Variants in SDK1 observed in about 807,000 individuals in gnomAD.
SDK1 encodes sidekick cell adhesion molecule 1, also known as protein sidekick-1.
Under a neutral mutation model 245.5 loss-of-function variants are expected in SDK1, and 157 were observed. The ratio of observed to expected loss-of-function variants is 0.64; its 90% CI spans 0.56 to 0.73. SDK1 has a LOEUF of 0.73. Ranked by LOEUF, SDK1 falls within the 30% of genes least tolerant of loss-of-function variation. The pLI, the probability that SDK1 is intolerant of heterozygous loss-of-function variation, is 0.00. For synonymous variants in SDK1, 1,647 were observed against 1,278.5 expected (o/e 1.29, Z -6.15); for missense variants, 3,583 against 3,002.3 (o/e 1.19, Z -4.52).
intron 4 of SDK1, among the ~76,000 whole-genome samples, chr7:3,769,089 T>C (rs1780334819): frequency 6.6e-6 from 1 of 152,198 alleles, no homozygotes; most frequent in East Asian, 1.9e-4. Flanking sequence ...GACTTTTTAT[T>C]TGGAAACAAT....
intron 5 of SDK1, among the ~76,000 whole-genome samples, chr7:3,917,660 C>A (rs1779431903): frequency 6.6e-6 from 1 of 152,160 alleles, no homozygotes; most frequent in South Asian, 2.1e-4. Context: ...AGAGGAACGT[C>A]TATGGGACCA....
At chr7:3,611,392 C>G (rs989936742) in intron 1 of SDK1, among the ~76,000 whole-genome samples, 8 of 152,154 alleles carry the variant, frequency 5.3e-5, no homozygotes, top group Admixed American at 5.2e-4. Flanking sequence ...ACCGCCGCCT[C>G]TAGTTCACAT....
In SDK1 at chr7:4,129,898, G is replaced by A. The variant is rs778441160; in HGVS notation, c.3940-10G>A. Reference sequence around the variant, plus strand: ...CTCCTGATAACCCTCGTGCTGTGTCGATACCACAGATCCTGTTCCGGGCCA... The same window carrying A: ...CTCCTGATAACCCTCGTGCTGTGTCAATACCACAGATCCTGTTCCGGGCCA... On this transcript the variant is annotated splice_polypyrimidine_tract_variant and intron_variant, in intron 26 of 44. Transcript: ENST00000404826. 5.2e-5 allele frequency: 84 copies of A among 1,613,256 alleles called. No homozygotes were observed. The highest frequency in any genetic ancestry group is 1.7e-4 in the Middle Eastern group (1 of 6,052).
At chr7:3,328,360 T>C (rs1272507438) in intron 1 of SDK1, among the ~76,000 whole-genome samples, 1 of 152,118 alleles carries the variant, frequency 6.6e-6, no homozygotes, top group Non-Finnish European at 1.5e-5. Flanking sequence ...TGCTTTTAGA[T>C]ATATATATTG....
chr7:3,667,893 A>G (rs1190414220), intron 4 of SDK1, among the ~76,000 whole-genome samples: 1 of 152,224 alleles, frequency 6.6e-6, no homozygotes, highest in East Asian at 1.9e-4. Context: ...TTTGCAAATA[A>G]AGATGCTAGA....
At chr7:4,039,916 A>T (rs188573752) in intron 17 of SDK1, among the ~76,000 whole-genome samples, 1 of 152,226 alleles carries the variant, frequency 6.6e-6, no homozygotes, top group African/African-American at 2.4e-5. Context: ...AAACATAATC[A>T]TACGTTTTAC....
intron 1 of SDK1, among the ~76,000 whole-genome samples, chr7:3,304,641 G>T (rs532454742): frequency 2.0e-3 from 308 of 152,300 alleles, no homozygotes; most frequent in African/African-American, 6.8e-3. Flanking sequence ...TGGGGAATTT[G>T]ATGAAGCTGT....
chr7:4,056,742 G>A (rs920813341), intron 19 of SDK1, among the ~76,000 whole-genome samples: 2 of 152,202 alleles, frequency 1.3e-5, no homozygotes, highest in East Asian at 1.9e-4. Flanking sequence ...CCACACGCCC[G>A]AGCCCAGAGC....
rs559113907 is a variant in SDK1 at position 3,798,697 on chromosome 7, G to A, written c.714-22753G>A. On this transcript the variant is annotated intron_variant, in intron 4 of 44. Transcript: ENST00000404826. ...GGCTAAGGCGGTGTCAGCCAGTATT[G>A]TTCCCTTTCCACATTCTGTTCTTAG... Among the ~76,000 whole-genome samples, 11 of 152,262 alleles carry A rather than the reference G, an allele frequency of 7.2e-5. No homozygotes were observed. In the South Asian group the frequency reaches 2.3e-3, roughly 32 times the overall value.
At chr7:3,547,831 A>G (rs915926287) in intron 1 of SDK1, among the ~76,000 whole-genome samples, 8 of 152,220 alleles carry the variant, frequency 5.3e-5, no homozygotes, top group African/African-American at 1.9e-4. Context: ...TCAGCCTTAA[A>G]GGATGACTTT....
At chr7:3,850,937 A>C (rs554010144) in intron 5 of SDK1, among the ~76,000 whole-genome samples, 17 of 152,340 alleles carry the variant, frequency 1.1e-4, no homozygotes, top group African/African-American at 3.4e-4. Context: ...CAGAACACCA[A>C]CATGGCACAT....
At chr7:3,776,467 C>A (rs1026245589) in intron 4 of SDK1, among the ~76,000 whole-genome samples, 1 of 152,138 alleles carries the variant, frequency 6.6e-6, no homozygotes, top group African/African-American at 2.4e-5. Flanking sequence ...ATTTCTGGTT[C>A]AATATTATGA....
intron 4 of SDK1, among the ~76,000 whole-genome samples, chr7:3,794,402 G>C (rs554417060): frequency 6.6e-6 from 1 of 152,136 alleles, no homozygotes; most frequent in Non-Finnish European, 1.5e-5. Context: ...GACATGCTGT[G>C]GTTTGAATGT....
rs145271285 is a variant in SDK1, at chr7:4,003,849, C to T, written c.2132-7117C>T. 1.1e-3 allele frequency among the ~76,000 whole-genome samples: 172 copies of T among 152,366 alleles called. 1 individual carries two copies. Among genetic ancestry groups the T allele is most frequent in the African/African-American group, 3.9e-3 (162 of 41,586 alleles). Reference sequence around the variant, plus strand: ...GTGGTGGAGGGGAGCCTCTGATTAGCGTGAAGCCTCCCCACTTAGCTCCAT... The same window carrying T: ...GTGGTGGAGGGGAGCCTCTGATTAGTGTGAAGCCTCCCCACTTAGCTCCAT... On this transcript the variant is annotated intron_variant, in intron 14 of 44. Transcript: ENST00000404826.
chr7:3,432,997 G>A (rs17133346), intron 1 of SDK1, among the ~76,000 whole-genome samples: 26,403 of 152,096 alleles, frequency 0.17, 2,284 homozygotes, highest in South Asian at 0.22. Context: ...TTTTATATTG[G>A]TGTTGAGGTT....
chr7:4,159,990 A>G (rs766550360), intron 31 of SDK1, among the ~76,000 whole-genome samples: 6 of 152,150 alleles, frequency 3.9e-5, no homozygotes, highest in Non-Finnish European at 8.8e-5. Context: ...GAAATGATTT[A>G]AAGTATTCAG....
Position 4,266,108 on chromosome 7 carries a change from A to G in SDK1, c.*724A>G. Reference sequence around the variant, plus strand: ...TCTCACCTGACAGCGAGGGAGAGGGAAGCCTCTTAGGGCTGGAAGCCACCA... The same window carrying G: ...TCTCACCTGACAGCGAGGGAGAGGGGAGCCTCTTAGGGCTGGAAGCCACCA... On this transcript the variant is annotated 3_prime_UTR_variant, in exon 45 of 45. Coordinates refer to ENST00000404826, the MANE Select transcript of SDK1 (RefSeq NM_152744.4). 2 of 985,400 alleles carry G rather than the reference A, an allele frequency of 2.0e-6. No individual in the cohort carries two copies. The highest frequency in any genetic ancestry group is 2.4e-6 in the Non-Finnish European group (2 of 829,954). 61.0% of individuals were successfully genotyped at this position (985,400 alleles called of 1,614,324 possible).
At chr7:4,173,395 C>T (rs1203115864) in intron 32 of SDK1, among the ~76,000 whole-genome samples, 1 of 152,192 alleles carries the variant, frequency 6.6e-6, no homozygotes, top group African/African-American at 2.4e-5. Context: ...CAGAAACCGA[C>T]TGAAGGAAAA....
intron 1 of SDK1, among the ~76,000 whole-genome samples, chr7:3,569,005 T>C (rs1260970119): frequency 3.4e-5 from 3 of 88,330 alleles, no homozygotes; most frequent in Non-Finnish European, 6.6e-5. Flanking sequence ...GTGTGGCATA[T>C]GTTTTTTTTT....
Sources: gnomAD v4.1 joint callset for allele counts (sites outside exome capture counted in the v4.1 genomes callset) on GRCh38, gnomAD v4.1.1 for gene constraint, MANE v1.5 for transcripts, NCBI Gene and HGNC (gene_info 2026-07-23, HGNC 2026-07-21) for gene names.